MCTP2: variants seen among roughly 807,000 people sequenced by gnomAD.
MCTP2 encodes multiple C2 and transmembrane domain containing 2.
In MCTP2, 132 loss-of-function variants were observed where a neutral mutation model predicts 111.6. The observed-to-expected ratio is 1.18, with a 90% confidence interval of 1.03 to 1.37. MCTP2 has a LOEUF of 1.37. Among genes scored for constraint, MCTP2 ranks in the 40% most tolerant of loss-of-function variants. The pLI, the probability that MCTP2 is intolerant of heterozygous loss-of-function variation, is 0.00. For synonymous variants in MCTP2, 395 were observed against 387.7 expected, an observed-to-expected ratio of 1.02 and a Z score of -0.22; for missense variants, 1,183 against 1,067.9, an observed-to-expected ratio of 1.11 and a Z score of -1.50.
At chr15:94,310,502 A>G (rs948875890) in intron 2 of MCTP2, among the ~76,000 whole-genome samples, 3 of 152,072 alleles carry the variant, frequency 2.0e-5, no homozygotes, top group African/African-American at 7.2e-5. Context: ...TTTTTTTTAA[A>G]AAGGCCAAGC....
chr15:94,476,658 A>G (rs764057831), intron 21 of MCTP2, 38 bp from the exon 22 acceptor site: 1 of 1,025,856 alleles, frequency 9.7e-7, no homozygotes, highest in South Asian at 1.3e-5. Flanking sequence ...ATAGACAGAC[A>G]GACAGATAAA....
At chr15:94,342,172 C>G (rs1361501179) in intron 7 of MCTP2, 1 of 152,122 alleles carries the variant, frequency 6.6e-6, no homozygotes, top group African/African-American at 2.4e-5. Context: ...ATGAAAATAG[C>G]TGCATATTCA....
intron 5 of MCTP2, among the ~76,000 whole-genome samples, chr15:94,339,888 T>C (rs186943261): frequency 1.3e-5 from 2 of 152,340 alleles, no homozygotes; most frequent in East Asian, 3.9e-4. Context: ...TGGAAAATAC[T>C]AAATTTTAAT....
At chr15:94,312,998 A>G (rs2076215417) in intron 2 of MCTP2, among the ~76,000 whole-genome samples, 1 of 152,148 alleles carries the variant, frequency 6.6e-6, no homozygotes, top group African/African-American at 2.4e-5. Flanking sequence ...GACAAATGTC[A>G]TCAGTGCCCC....
At chr15:94,390,206 C>T (rs1436706151) in intron 14 of MCTP2, among the ~76,000 whole-genome samples, 3 of 150,516 alleles carry the variant, frequency 2.0e-5, no homozygotes, top group Admixed American at 6.6e-5. Flanking sequence ...TGTCTTCAAT[C>T]TTTTTCAGAA....
intron 2 of MCTP2, among the ~76,000 whole-genome samples, chr15:94,301,730 C>T (rs2075623454): frequency 1.3e-5 from 2 of 151,846 alleles, no homozygotes; most frequent in African/African-American, 2.4e-5. Context: ...TGAAAAAATA[C>T]TCAATTTTAT....
intron 19 of MCTP2, among the ~76,000 whole-genome samples, chr15:94,446,672 A>T (rs1269284493): frequency 2.0e-5 from 3 of 152,222 alleles, no homozygotes; most frequent in Non-Finnish European, 4.4e-5. Context: ...TATTAACATC[A>T]GGAAGAAGGA....
At position 94,318,473 on chromosome 15, in the gene MCTP2, G is replaced by A. The variant is rs375818805; in HGVS notation, c.637+2836G>A. Among the ~76,000 whole-genome samples, 236 of 151,970 alleles carry A rather than the reference G, an allele frequency of 1.6e-3. 2 individuals carry two copies. The highest frequency in any genetic ancestry group is 5.4e-3 in the African/African-American group (225 of 41,410). On this transcript the variant is annotated intron_variant, in intron 4 of 22. Transcript: ENST00000357742. ...TAATTTTTGTATTTTTAGTAGAGACGGAGTTTCGCCAGGCTGGTCTCAAAC... is the reference window on the plus strand; with the variant it reads ...TAATTTTTGTATTTTTAGTAGAGACAGAGTTTCGCCAGGCTGGTCTCAAAC...
At chr15:94,244,027 A>T (rs1288968260) in intron 1 of MCTP2, among the ~76,000 whole-genome samples, 4 of 147,068 alleles carry the variant, frequency 2.7e-5, no homozygotes, top group Non-Finnish European at 6.1e-5. Flanking sequence ...ACACATACGT[A>T]TGTGTATATA....
intron 1 of MCTP2, among the ~76,000 whole-genome samples, chr15:94,257,617 T>G (rs2072902817): frequency 9.0e-6 from 1 of 111,020 alleles, no homozygotes; most frequent in Non-Finnish European, 1.7e-5. Context: ...GACGGAGTCT[T>G]GCTCTGTCAC....
chr15:94,465,557 G>T (rs2073201275), intron 20 of MCTP2, among the ~76,000 whole-genome samples: 3 of 152,126 alleles, frequency 2.0e-5, no homozygotes, highest in African/African-American at 7.2e-5. Flanking sequence ...CCAAACTGCA[G>T]ATAAGGGGTG....
intron 19 of MCTP2, among the ~76,000 whole-genome samples, chr15:94,450,940 T>G (rs2084404344): frequency 6.6e-6 from 1 of 152,244 alleles, no homozygotes; most frequent in South Asian, 2.1e-4. Context: ...AAATTCATTT[T>G]GATGGTGTTA....
At chr15:94,340,010 G>T (rs1471210470) in intron 5 of MCTP2, among the ~76,000 whole-genome samples, 189 bp from the exon 6 acceptor site, 1 of 152,146 alleles carries the variant, frequency 6.6e-6, no homozygotes, top group Non-Finnish European at 1.5e-5. Flanking sequence ...TAGGCAAAAT[G>T]GGCAAGATTG....
intron 12 of MCTP2, among the ~76,000 whole-genome samples, chr15:94,372,640 A>C (rs9972377): frequency 0.26 from 39,834 of 152,040 alleles, 5,680 homozygotes; most frequent in African/African-American, 0.35. Context: ...AGAAAAGCCA[A>C]CCATTTTTGT....
At chr15:94,465,204 AAC>A (rs1055844401) in intron 20 of MCTP2, among the ~76,000 whole-genome samples, 18 of 152,084 alleles carry the variant, frequency 1.2e-4, no homozygotes, top group African/African-American at 4.1e-4. Flanking sequence ...ATTTCTTGCT[AAC>A]ACAGTTTTTT....
chr15:94,454,898 G>T (rs139173468), intron 19 of MCTP2, among the ~76,000 whole-genome samples: 1 of 152,088 alleles, frequency 6.6e-6, no homozygotes, highest in South Asian at 2.1e-4. Flanking sequence ...TTGCCTCACC[G>T]CAACCTCTGC....
intron 17 of MCTP2, among the ~76,000 whole-genome samples, chr15:94,427,817 ATTGT>A (rs1288284517): frequency 2.0e-5 from 3 of 152,106 alleles, no homozygotes; most frequent in Non-Finnish European, 2.9e-5. Context: ...ATATCTTCAA[ATTGT>A]TTGTTTGTGT....
rs1006731730 is a variant in MCTP2 at position 94,385,624 on chromosome 15, A to C, written c.1788+99A>C. ...TTATCTTTGTCAACCTGGGGGAAAA[A>C]AATCCTCCTAACTATAGCAGGAAAC... is the stretch of plus-strand genomic sequence containing the variant. On this transcript the variant is annotated intron_variant, in intron 14 of 22. Transcript: ENST00000357742. 1.2e-5 allele frequency: 10 copies of C among 805,546 alleles called. No individual in the cohort carries two copies. The African/African-American group carries it at 1.4e-4, about 11-fold the overall frequency. The allele number at this position is 805,546 out of a possible 1,614,324, so 49.9% of individuals were successfully genotyped here. A position where few individuals can be genotyped will look rare whatever the true frequency, so the allele number is the denominator to read the frequency against.
intron 4 of MCTP2, among the ~76,000 whole-genome samples, chr15:94,336,275 A>G (rs565566222): frequency 1.2e-4 from 19 of 152,148 alleles, no homozygotes; most frequent in African/African-American, 3.6e-4. Flanking sequence ...TTCAACTCCC[A>G]TCTTCTTTAT....
Sources: gnomAD v4.1 joint callset for allele counts (sites outside exome capture counted in the v4.1 genomes callset) on GRCh38, gnomAD v4.1.1 for gene constraint, MANE v1.5 for transcripts, NCBI Gene and HGNC (gene_info 2026-07-23, HGNC 2026-07-21) for gene names.